TANC2: variants seen among roughly 807,000 people sequenced by gnomAD.
The protein encoded by TANC2 is tetratricopeptide repeat, ankyrin repeat and coiled-coil containing 2.
Under a neutral mutation model 210.5 loss-of-function variants are expected in TANC2, and 26 were observed. The observed-to-expected ratio is 0.12, with a 90% confidence interval of 0.09 to 0.17. The LOEUF (loss-of-function observed/expected upper bound fraction) is 0.17, where lower values mean the gene tolerates loss of function less well. TANC2 is among the 10% of genes least tolerant of loss of function. The pLI is 1.00. For synonymous variants in TANC2, 931 were observed against 967.1 expected, an observed-to-expected ratio of 0.96 and a Z score of 0.69; for missense variants, 2,129 against 2,608.9, an observed-to-expected ratio of 0.82 and a Z score of 4.01.
At position 63,267,891 on chromosome 17, in the gene TANC2, G is replaced by C. The variant is rs2043578316; in HGVS notation, c.1159+18G>C. The C allele has an allele frequency of 6.3e-7, 1 of 1,597,602 alleles. No individual in the cohort carries two copies. Among genetic ancestry groups the C allele is most frequent in the Non-Finnish European group, 8.5e-7 (1 of 1,170,818 alleles). Reference sequence around the variant, plus strand: ...TTTAAGAGGTTAGAACCACAGAAGGGCTTTAAGGGTGCCCGGGAACAGATG... The same window carrying C: ...TTTAAGAGGTTAGAACCACAGAAGGCCTTTAAGGGTGCCCGGGAACAGATG... On this transcript the variant is annotated intron_variant, in intron 9 of 27. Transcript: ENST00000689528.
chr17:63,344,002 C>G (rs1221162136), intron 12 of TANC2, among the ~76,000 whole-genome samples: 1 of 152,188 alleles, frequency 6.6e-6, no homozygotes. Context: ...TGACAAAATA[C>G]TACATCAGGG....
At chr17:63,246,701 A>G (rs1055280137) in intron 8 of TANC2, among the ~76,000 whole-genome samples, 3 of 152,232 alleles carry the variant, frequency 2.0e-5, no homozygotes, top group East Asian at 1.9e-4. Flanking sequence ...TATTATGTCT[A>G]TTCATTTACC....
Position 63,226,214 on chromosome 17 carries a change from A to G in TANC2, c.770-11600A>G, listed in dbSNP as rs1271518772. Among the ~76,000 whole-genome samples, 4 of 152,354 alleles carry G rather than the reference A, an allele frequency of 2.6e-5. No homozygotes were observed. The East Asian group carries it at 7.7e-4, about 29-fold the overall frequency. ...GGAAAGAGTCTTTTTAGGCATCACC[A>G]GACACCATAGGGGGTCTGTGGCAAC... On this transcript the variant is annotated intron_variant, in intron 7 of 27. Coordinates refer to ENST00000689528, the Ensembl canonical transcript of TANC2.
intron 8 of TANC2, among the ~76,000 whole-genome samples, chr17:63,266,691 A>G (rs1240284655): frequency 6.6e-6 from 1 of 152,192 alleles, no homozygotes; most frequent in Non-Finnish European, 1.5e-5. Flanking sequence ...TCAACACATC[A>G]TACAATACAG....
chr17:63,042,074 T>G (rs1044408477), intron 2 of TANC2, among the ~76,000 whole-genome samples: 1 of 152,190 alleles, frequency 6.6e-6, no homozygotes, highest in African/African-American at 2.4e-5. Context: ...GATAGTCTGC[T>G]GGAATATAGT....
At chr17:63,158,272 G>T (rs1030575239) in intron 5 of TANC2, among the ~76,000 whole-genome samples, 1 of 152,264 alleles carries the variant, frequency 6.6e-6, no homozygotes, top group East Asian at 1.9e-4. Context: ...ACTCCATAAG[G>T]TGTTTGTGAT....
chr17:62,979,116 A>G (rs1248663460), intron 1 of TANC2, among the ~76,000 whole-genome samples: 2 of 152,136 alleles, frequency 1.3e-5, no homozygotes, highest in African/African-American at 2.4e-5. Flanking sequence ...CCTTTTGTGC[A>G]GATGAAAAGT....
chr17:63,323,475 G>T (rs961988371), intron 11 of TANC2, among the ~76,000 whole-genome samples: 1 of 152,284 alleles, frequency 6.6e-6, no homozygotes, highest in Middle Eastern at 3.4e-3. Flanking sequence ...CATAATCACA[G>T]TAGAGGGACA....
At chr17:63,022,098 T>C (rs1264409921) in intron 2 of TANC2, among the ~76,000 whole-genome samples, 2 of 151,958 alleles carry the variant, frequency 1.3e-5, no homozygotes, top group East Asian at 3.9e-4. Context: ...CCCAGCACTT[T>C]GGGAGTCTGA....
chr17:63,223,460 G>A (rs932758206), intron 7 of TANC2, among the ~76,000 whole-genome samples: 2 of 152,170 alleles, frequency 1.3e-5, no homozygotes, highest in Non-Finnish European at 2.9e-5. Flanking sequence ...AGAGCAGCCC[G>A]GAGGAGCACA....
At chr17:63,414,964 T>C (rs1053793973) in intron 25 of TANC2, among the ~76,000 whole-genome samples, 5 of 152,210 alleles carry the variant, frequency 3.3e-5, no homozygotes, top group African/African-American at 1.2e-4. Context: ...CCCTACTCCA[T>C]GCCTTTCCAA....
Position 63,121,971 on chromosome 17 carries a change from G to T in TANC2, c.322+22614G>T, listed in dbSNP as rs575833302. Among the ~76,000 whole-genome samples the T allele has an allele frequency of 7.1e-4, 108 of 151,326 alleles. No individual in the cohort carries two copies. In the South Asian group the frequency reaches 0.011, roughly 15 times the overall value. On this transcript the variant is annotated intron_variant, in intron 4 of 27. Coordinates refer to ENST00000689528, the Ensembl canonical transcript of TANC2. ...CACAGAGTGAGACTTCATCTCTTGCGGGGGGAGGGGGGAAGAGGGGGAGGG... is the reference window on the plus strand; with the variant it reads ...CACAGAGTGAGACTTCATCTCTTGCTGGGGGAGGGGGGAAGAGGGGGAGGG...
intron 2 of TANC2, among the ~76,000 whole-genome samples, chr17:63,035,427 A>G (rs923706144): frequency 1.4e-4 from 21 of 152,212 alleles, no homozygotes; most frequent in African/African-American, 5.1e-4. Context: ...CTGGAACGGA[A>G]CCAGCAAAAT....
intron 8 of TANC2, among the ~76,000 whole-genome samples, chr17:63,243,890 C>A (rs1456083899): frequency 6.6e-6 from 1 of 152,182 alleles, no homozygotes; most frequent in African/African-American, 2.4e-5. Context: ...CCCTAAAGAA[C>A]TGAGTGTCCT....
At position 63,031,093 on chromosome 17, in the gene TANC2, G is replaced by C. The variant is rs190835319; in HGVS notation, c.67+21467G>C. On this transcript the variant is annotated intron_variant, in intron 2 of 27. Coordinates refer to ENST00000689528, the Ensembl canonical transcript of TANC2. ...CCCAAACTATAGGATTTTAGTATCA[G>C]AGGCCTGCCTGGGAAACCAACCAGC... Among the ~76,000 whole-genome samples the C allele has an allele frequency of 1.5e-3, 180 of 123,632 alleles. 1 individual carries two copies. Among genetic ancestry groups the C allele is most frequent in the African/African-American group, 4.8e-3 (164 of 34,254 alleles). 81.1% of individuals were successfully genotyped at this position (123,632 alleles called of 152,430 possible).
chr17:63,362,550 G>C (rs1407444951), intron 14 of TANC2, among the ~76,000 whole-genome samples: 1 of 152,134 alleles, frequency 6.6e-6, no homozygotes, highest in Non-Finnish European at 1.5e-5. Context: ...GCACCTGCAG[G>C]CCTGCACCAA....
At chr17:63,283,197 A>G (rs1295840541) in intron 9 of TANC2, among the ~76,000 whole-genome samples, 1 of 151,912 alleles carries the variant, frequency 6.6e-6, no homozygotes, top group African/African-American at 2.4e-5. Context: ...ACGGATACCT[A>G]GTTGTTCCCG....
chr17:63,419,258 C>T, intron 27 of TANC2, among the ~76,000 whole-genome samples: 1 of 152,240 alleles, frequency 6.6e-6, no homozygotes, highest in Admixed American at 6.5e-5. Flanking sequence ...ACGAAGTCCT[C>T]ACAGAAATCT....
In TANC2 at chr17:62,991,647, A is replaced by C. The variant is rs185101340; in HGVS notation, c.-23-17890A>C. On this transcript the variant is annotated intron_variant, in intron 1 of 27. Coordinates refer to ENST00000689528, the Ensembl canonical transcript of TANC2. ...AGAGCGAGACTCCGTCTCAAAAAAA[A>C]AAAAAACAAAAAAACAAACAAAAAA... Among the ~76,000 whole-genome samples, 46 of 151,986 alleles carry C rather than the reference A, an allele frequency of 3.0e-4. No homozygotes were observed. In the Middle Eastern group the frequency reaches 0.014, roughly 45 times the overall value.
Sources: gnomAD v4.1 joint callset for allele counts (sites outside exome capture counted in the v4.1 genomes callset) on GRCh38, gnomAD v4.1.1 for gene constraint, MANE v1.5 for transcripts, NCBI Gene and HGNC (gene_info 2026-07-23, HGNC 2026-07-21) for gene names.